The following POU2AF3 variants were observed in gnomAD, a reference collection of about 807,000 sequenced individuals.
The protein encoded by POU2AF3 is cancer susceptibility candidate 13.
the POU2AF3 span, chr11:111,299,502 C>T: frequency 3.5e-6 from 4 of 1,142,538 alleles, no homozygotes; most frequent in South Asian, 8.8e-5. Flanking sequence ...GCTCAGGGGT[C>T]CCTCCCAGCG....
the POU2AF3 span, chr11:111,300,544 C>A: frequency 8.1e-7 from 1 of 1,231,828 alleles, no homozygotes; most frequent in South Asian, 4.1e-5. Flanking sequence ...GAAGGTGTAT[C>A]AAGGTGTCCG....
the POU2AF3 span, among the ~76,000 whole-genome samples, chr11:111,302,521 A>G: frequency 6.6e-6 from 1 of 152,198 alleles, no homozygotes; most frequent in Admixed American, 6.5e-5. Context: ...GGGTGTGGCC[A>G]CTGTTCCCTT....
At chr11:111,298,656 C>T in the POU2AF3 span, 1 of 1,229,358 alleles carries the variant, frequency 8.1e-7, no homozygotes, top group African/African-American at 1.6e-5. Flanking sequence ...GGTGTGTTTC[C>T]ACGGCTTTTC....
the POU2AF3 span, among the ~76,000 whole-genome samples, chr11:111,304,093 A>G: frequency 6.6e-6 from 1 of 152,186 alleles, no homozygotes; most frequent in Non-Finnish European, 1.5e-5. Context: ...ACCATTAACT[A>G]GAATGAAAGT....
At chr11:111,305,080 C>T in the POU2AF3 span, 1 of 659,026 alleles carries the variant, frequency 1.5e-6, no homozygotes, top group Non-Finnish European at 2.2e-6. Context: ...ATAGGCACCA[C>T]CATTTAATTG....
the POU2AF3 span, chr11:111,300,026 G>A: frequency 2.5e-6 from 1 of 396,962 alleles, no homozygotes; most frequent in African/African-American, 2.1e-5. Context: ...AGGCGGAGAA[G>A]GAAGGGACTC....
At chr11:111,298,907 G>A in the POU2AF3 span, 3 of 1,097,820 alleles carry the variant, frequency 2.7e-6, no homozygotes, top group Non-Finnish European at 3.3e-6. Flanking sequence ...AGCTGCTACG[G>A]GGGGAGCTAG....
At chr11:111,301,745 G>T in the POU2AF3 span, among the ~76,000 whole-genome samples, 1,428 of 152,262 alleles carry the variant, frequency 9.4e-3, 20 homozygotes, top group African/African-American at 0.032. Flanking sequence ...TCGAGTTATT[G>T]CATACAAAGC....
At chr11:111,298,826 G>GCCGGGGCCC in the POU2AF3 span, 2 of 790,962 alleles carry the variant, frequency 2.5e-6, no homozygotes, top group Non-Finnish European at 3.4e-6. Context: ...CGTACCCCAG[G>GCCGGGGCCC]CCCCCGCCCG....
At chr11:111,299,694 C>T in the POU2AF3 span, 4 of 1,231,506 alleles carry the variant, frequency 3.2e-6, no homozygotes, top group African/African-American at 3.1e-5. Flanking sequence ...CAGTGCGCCT[C>T]GGAGAAACGC....
the POU2AF3 span, chr11:111,299,363 CCGCCCCGGACT>C: frequency 8.8e-5 from 87 of 992,750 alleles, no homozygotes; most frequent in East Asian, 8.0e-3. Flanking sequence ...AGGGCCGGAG[CCGCCCCGGACT>C]CCTGCGGCCA....
the POU2AF3 span, among the ~76,000 whole-genome samples, chr11:111,300,942 C>T: frequency 1.2e-4 from 19 of 152,312 alleles, 1 homozygote; most frequent in South Asian, 3.7e-3. Context: ...GTTAGGAAGA[C>T]AGTGGATATA....
the POU2AF3 span, chr11:111,308,478 A>T: frequency 3.7e-3 from 5,555 of 1,496,276 alleles, 165 homozygotes; most frequent in African/African-American, 0.07. Context: ...GGGTATATCT[A>T]TTTTTCTACC....
the POU2AF3 span, chr11:111,307,933 G>C: frequency 1.4e-6 from 1 of 697,618 alleles, no homozygotes; most frequent in Non-Finnish European, 2.2e-6. Flanking sequence ...CTGCAGACTT[G>C]GGTTGGGTGT....
At chr11:111,305,125 T>G in the POU2AF3 span, 1 of 423,472 alleles carries the variant, frequency 2.4e-6, no homozygotes, top group Non-Finnish European at 4.0e-6. Flanking sequence ...AAAGGCATAG[T>G]CACTCCACAT....
chr11:111,299,995 G>A, the POU2AF3 span: 3 of 397,882 alleles, frequency 7.5e-6, no homozygotes, highest in Admixed American at 4.4e-5. Flanking sequence ...GTCGGAGCCT[G>A]CCCAGAAGCC....
At chr11:111,300,500 A>G in the POU2AF3 span, 2 of 1,178,396 alleles carry the variant, frequency 1.7e-6, no homozygotes, top group Non-Finnish European at 2.1e-6. Flanking sequence ...CTTGGACTCG[A>G]CCACTGACTC....
chr11:111,308,476 C>T, the POU2AF3 span: 1 of 1,497,622 alleles, frequency 6.7e-7, no homozygotes, highest in Non-Finnish European at 8.9e-7. Context: ...ATGGGTATAT[C>T]TATTTTTCTA....
At chr11:111,298,581 G>T in the POU2AF3 span, 1 of 1,246,592 alleles carries the variant, frequency 8.0e-7, no homozygotes, top group Non-Finnish European at 1.0e-6. Flanking sequence ...TGCTGACCAC[G>T]ATGTCGGGTA....
Sources: allele counts gnomAD v4.1 joint callset (sites outside exome capture counted in the v4.1 genomes callset), GRCh38; gene constraint gnomAD v4.1.1; transcripts MANE v1.5; gene names NCBI Gene and HGNC (gene_info 2026-07-23, HGNC 2026-07-21).